SCAMP1: variants seen among roughly 807,000 people sequenced by gnomAD.
SCAMP1 encodes secretory carrier-associated membrane protein 1.
In SCAMP1, 15 loss-of-function variants were observed where a neutral mutation model predicts 41.8. That is an observed-to-expected ratio of 0.36 (90% CI 0.24 to 0.55). SCAMP1 has a LOEUF of 0.55. SCAMP1 is among the 20% of genes least tolerant of loss of function. SCAMP1 has a pLI of 0.86. For missense variants in SCAMP1, 341 were observed against 412.6 expected, an observed-to-expected ratio of 0.83 and a Z score of 1.50; for synonymous variants, 135 against 136.8, an observed-to-expected ratio of 0.99 and a Z score of 0.09.
chr5:78,454,642 C>A (rs532204941), intron 7 of SCAMP1, among the ~76,000 whole-genome samples: 1 of 152,148 alleles, frequency 6.6e-6, no homozygotes, highest in South Asian at 2.1e-4. Context: ...GTCTAAAATT[C>A]TCTTTTTTGG....
chr5:78,478,388 A>G lies in SCAMP1; in HGVS notation c.*2720A>G, dbSNP rs1442345191. 6.6e-6 allele frequency: 1 copy of G among 152,624 alleles called. No individual in the cohort carries two copies. The highest frequency in any genetic ancestry group is 1.5e-5 in the Non-Finnish European group (1 of 68,004). 9.5% of individuals were successfully genotyped at this position (152,624 alleles called of 1,614,324 possible). A position where few individuals can be genotyped will look rare whatever the true frequency, so the allele number is the denominator to read the frequency against. ...ATGTTTGATTTTTTAAAATATGTGTATAAGTCTGTCATGTGCTAAACAAAA... is the reference window on the plus strand; with the variant it reads ...ATGTTTGATTTTTTAAAATATGTGTGTAAGTCTGTCATGTGCTAAACAAAA... On this transcript the variant is annotated 3_prime_UTR_variant, in exon 9 of 9. Coordinates refer to ENST00000621999, the MANE Select transcript of SCAMP1 (RefSeq NM_004866.6).
chr5:78,456,863 T>A (rs1299185901), intron 7 of SCAMP1, among the ~76,000 whole-genome samples: 1 of 101,434 alleles, frequency 9.9e-6, no homozygotes, highest in Admixed American at 8.9e-5. Context: ...GTCCCATATT[T>A]CTTGGAGGCT....
intron 1 of SCAMP1, among the ~76,000 whole-genome samples, chr5:78,366,438 T>G (rs948535641): frequency 7.2e-5 from 11 of 152,040 alleles, no homozygotes; most frequent in African/African-American, 2.7e-4. Context: ...GCCACCACAC[T>G]TGGCCTCTGG....
intron 2 of SCAMP1, among the ~76,000 whole-genome samples, chr5:78,412,179 C>T (rs1466913404): frequency 6.6e-6 from 1 of 151,738 alleles, no homozygotes; most frequent in Non-Finnish European, 1.5e-5. Flanking sequence ...TAGATTTTGC[C>T]ATCTAATCTT....
intron 2 of SCAMP1, among the ~76,000 whole-genome samples, chr5:78,396,722 G>A (rs1751660308): frequency 6.6e-6 from 1 of 152,190 alleles, no homozygotes; most frequent in South Asian, 2.1e-4. Context: ...GGAAGGGCAG[G>A]AGGAGAAAAG....
At chr5:78,432,955 A>G (rs1384439954) in intron 6 of SCAMP1, among the ~76,000 whole-genome samples, 2 of 151,986 alleles carry the variant, frequency 1.3e-5, no homozygotes, top group African/African-American at 4.8e-5. Flanking sequence ...TTCAGTATAT[A>G]TAATTTCTAT....
intron 8 of SCAMP1, among the ~76,000 whole-genome samples, chr5:78,469,662 C>G (rs996774536): frequency 3.3e-5 from 5 of 151,898 alleles, no homozygotes; most frequent in Non-Finnish European, 5.9e-5. Flanking sequence ...GCACTTTCAT[C>G]TAAGTCATCT....
chr5:78,426,798 A>G (rs890632492), intron 6 of SCAMP1, among the ~76,000 whole-genome samples: 1 of 152,146 alleles, frequency 6.6e-6, no homozygotes, highest in Non-Finnish European at 1.5e-5. Flanking sequence ...TGAGCATTTC[A>G]TGTAAATGGA....
At position 78,416,586 on chromosome 5, in the gene SCAMP1, C is replaced by T; in HGVS notation, c.280C>T (p.Leu94=). 1 of 1,599,612 alleles carries T rather than the reference C, an allele frequency of 6.3e-7. No homozygotes were observed. The highest frequency in any genetic ancestry group is 2.3e-5 in the East Asian group (1 of 44,354). The change falls in exon 4 of 9, where the codon CTA becomes TTA. Residue 94 remains leucine (L), a synonymous_variant. Coordinates refer to ENST00000621999, the MANE Select transcript of SCAMP1 (RefSeq NM_004866.6). The part of the protein sequence containing the change: ...QAELLKRQEE[L]ERKAAELDRR... ...TGAACTTCTTAAGCGCCAGGAAGAA[C>T]TAGAAAGAAAAGCCGCAGAATTAGA...
intron 7 of SCAMP1, among the ~76,000 whole-genome samples, 180 bp downstream of exon 7, chr5:78,450,214 T>C (rs2112208944): frequency 6.6e-6 from 1 of 152,322 alleles, no homozygotes; most frequent in Non-Finnish European, 1.5e-5. Flanking sequence ...ACCTGTGTCT[T>C]TGAAGATTAT....
chr5:78,360,722 C>G lies in SCAMP1; in HGVS notation c.51C>G (p.Pro17=). The G allele has an allele frequency of 6.2e-7, 1 of 1,608,754 alleles. No homozygotes were observed. Among genetic ancestry groups the G allele is most frequent in the Non-Finnish European group, 8.5e-7 (1 of 1,177,854 alleles). The change falls in exon 1 of 9, where the codon CCC becomes CCG. Residue 17 remains proline, a synonymous_variant. Transcript: ENST00000621999. ...TTGCCGACCCGGATCTCAACAATCC[C>G]TTCAAGGTGAGCTTCGGCCCCAGCA... ...NPFADPDLNN[P]FKDPSVTQVT...
At chr5:78,431,048 T>C (rs189472258) in intron 6 of SCAMP1, among the ~76,000 whole-genome samples, 14 of 152,110 alleles carry the variant, frequency 9.2e-5, no homozygotes, top group African/African-American at 3.4e-4. Context: ...TTCCTCCCTT[T>C]TCTAACCATA....
chr5:78,386,656 G>A (rs1048461326), intron 1 of SCAMP1, among the ~76,000 whole-genome samples: 1 of 151,912 alleles, frequency 6.6e-6, no homozygotes, highest in Non-Finnish European at 1.5e-5. Flanking sequence ...TGCTGGCTTT[G>A]TAGTGGCAAA....
At chr5:78,464,167 T>A (rs11745276) in intron 8 of SCAMP1, among the ~76,000 whole-genome samples, 42,524 of 150,756 alleles carry the variant, frequency 0.28, 6,288 homozygotes, top group East Asian at 0.54. Flanking sequence ...TTTTTTGAGA[T>A]AGAGTCTTGC....
chr5:78,395,546 G>A lies in SCAMP1; in HGVS notation c.135+6632G>A, dbSNP rs529184433. Among the ~76,000 whole-genome samples the A allele has an allele frequency of 3.0e-3, 454 of 152,322 alleles. 5 individuals carry two copies. The highest frequency in any genetic ancestry group is 0.011 in the African/African-American group (437 of 41,576). On this transcript the variant is annotated intron_variant, in intron 2 of 8. Coordinates refer to ENST00000621999, the MANE Select transcript of SCAMP1 (RefSeq NM_004866.6). ...GGGTCCTTTGCTCAGGGTCTTACAA[G>A]GCTGTGGTCAAGCTGTTGTCTTGGC...
At position 78,478,635 on chromosome 5, in the gene SCAMP1, G is replaced by C. The variant is rs1580727930; in HGVS notation, c.*2967G>C. ...GTTAAAAATGGGTGTCTCTGTACTA[G>C]TATTGTATTTATTCAATTGAACTTG... On this transcript the variant is annotated 3_prime_UTR_variant, in exon 9 of 9. Transcript: ENST00000621999. 1 of 152,100 alleles carries C rather than the reference G, an allele frequency of 6.6e-6. No homozygotes were observed. Among genetic ancestry groups the C allele is most frequent in the Non-Finnish European group, 1.5e-5 (1 of 67,976 alleles). The allele number at this position is 152,100 out of a possible 1,614,324, so 9.4% of individuals were successfully genotyped here. A position where few individuals can be genotyped will look rare whatever the true frequency, so the allele number is the denominator to read the frequency against.
At position 78,426,550 on chromosome 5, in the gene SCAMP1, CT is replaced by C. The variant is rs373435714; in HGVS notation, c.632+4597del. Among the ~76,000 whole-genome samples the C allele has an allele frequency of 4.4e-4, 67 of 152,252 alleles. 1 individual carries two copies. The highest frequency in any genetic ancestry group is 1.6e-3 in the African/African-American group (65 of 41,536). ...TTCTCTAATGACCAGTGATGATGAG[CT>C]TTTTTTCATGTTGGCTGCATAAATG... On this transcript the variant is annotated intron_variant, in intron 6 of 8. Coordinates refer to ENST00000621999, the MANE Select transcript of SCAMP1 (RefSeq NM_004866.6).
intron 6 of SCAMP1, among the ~76,000 whole-genome samples, chr5:78,446,630 T>C (rs1002002803): frequency 1.4e-4 from 21 of 152,178 alleles, no homozygotes; most frequent in Non-Finnish European, 2.6e-4. Flanking sequence ...ATGTGTTCTA[T>C]AGTATCCCTG....
chr5:78,448,944 G>A (rs994820138), intron 6 of SCAMP1, among the ~76,000 whole-genome samples: 5 of 151,620 alleles, frequency 3.3e-5, no homozygotes, highest in Non-Finnish European at 7.4e-5. Context: ...AGGTTGTGGT[G>A]AGCCAAGATT....
Sources: allele counts gnomAD v4.1 joint callset (sites outside exome capture counted in the v4.1 genomes callset), GRCh38; gene constraint gnomAD v4.1.1; transcripts MANE v1.5; gene names NCBI Gene and HGNC (gene_info 2026-07-23, HGNC 2026-07-21).